The following CAP2 variants were observed in gnomAD, a reference collection of about 807,000 sequenced individuals.
CAP2 encodes the protein cyclase associated actin cytoskeleton regulatory protein 2, also known as adenylyl cyclase-associated protein 2.
In CAP2, 24 loss-of-function variants were observed where a neutral mutation model predicts 57.7. The observed-to-expected ratio is 0.42, with a 90% CI of 0.30 to 0.58. The LOEUF (loss-of-function observed/expected upper bound fraction) is 0.58. Among genes scored for constraint, CAP2 ranks in the 20% least tolerant of loss-of-function variants. The probability of loss-of-function intolerance (pLI) is 0.22; values close to 1 mark genes in which losing one functional copy is unlikely to be tolerated. For missense variants in CAP2, 501 were observed against 590.3 expected, an observed-to-expected ratio of 0.85 and a Z score of 1.57; for synonymous variants, 194 against 207.2, an observed-to-expected ratio of 0.94 and a Z score of 0.55.
intron 1 of CAP2, among the ~76,000 whole-genome samples, chr6:17,417,357 C>T (rs1759309502): frequency 6.7e-6 from 1 of 150,366 alleles, no homozygotes; most frequent in Admixed American, 6.6e-5. Flanking sequence ...CTCACTGCAG[C>T]CTCGACCTCC....
At chr6:17,509,662 G>C (rs1762093896) in intron 6 of CAP2, among the ~76,000 whole-genome samples, 3 of 151,910 alleles carry the variant, frequency 2.0e-5, no homozygotes, top group African/African-American at 7.3e-5. Flanking sequence ...GTGACAAAGT[G>C]AGACTCCATC....
chr6:17,514,619 A>T (rs1171634560), intron 7 of CAP2, among the ~76,000 whole-genome samples: 2 of 151,512 alleles, frequency 1.3e-5, no homozygotes, highest in African/African-American at 4.9e-5. Context: ...GTGTGGTGGC[A>T]CATGCCTGTA....
chr6:17,434,460 C>T (rs1428132294), intron 3 of CAP2, among the ~76,000 whole-genome samples: 1 of 152,108 alleles, frequency 6.6e-6, no homozygotes. Flanking sequence ...AATTCCTGAC[C>T]TCAAGTGATC....
chr6:17,452,347 C>T (rs991529110), intron 3 of CAP2, among the ~76,000 whole-genome samples: 2 of 152,188 alleles, frequency 1.3e-5, no homozygotes, highest in African/African-American at 4.8e-5. Context: ...TAAGTTTTCG[C>T]ACAAGCAGAC....
intron 4 of CAP2, among the ~76,000 whole-genome samples, chr6:17,479,906 C>T (rs552384179): frequency 7.9e-5 from 12 of 152,034 alleles, no homozygotes; most frequent in South Asian, 6.2e-4. Context: ...TGAGCCACCG[C>T]GCCCAGCTTA....
chr6:17,439,317 C>T (rs1760002015), intron 3 of CAP2, among the ~76,000 whole-genome samples: 1 of 150,786 alleles, frequency 6.6e-6, no homozygotes, highest in African/African-American at 2.5e-5. Flanking sequence ...AGTCCATTTC[C>T]CCCATGGATC....
intron 3 of CAP2, among the ~76,000 whole-genome samples, chr6:17,438,344 C>T (rs549250409): frequency 2.9e-4 from 24 of 81,858 alleles, no homozygotes; most frequent in Non-Finnish European, 4.7e-4. Context: ...CCAACCTGGG[C>T]GAAAGAACGA....
rs191134548 is a variant in CAP2 at position 17,556,438 on chromosome 6, C to T, written c.1430C>T (p.Ala477Val). Residue 477 changes from alanine to valine, a missense_variant, in exon 13 of 13, where the codon GCC becomes GTC. By Grantham distance (64) the Ala-to-Val change is moderately conservative (BLOSUM62 0). Transcript: ENST00000229922. ...ATCACTGAACCTGCAGAAATTATGG[C>T]CTAACTTCCTGAGAGACCGAACCCC... is the stretch of plus-strand genomic sequence containing the variant. ...KLITEPAEIM[A>V] The T allele has an allele frequency of 3.2e-5, 51 of 1,608,074 alleles. No individual in the cohort carries two copies. The Admixed American group carries it at 5.8e-4, about 18-fold the overall frequency.
chr6:17,509,399 C>G (rs982632444), intron 6 of CAP2, among the ~76,000 whole-genome samples: 3 of 151,916 alleles, frequency 2.0e-5, no homozygotes, highest in South Asian at 4.1e-4. Flanking sequence ...AAAAGCAGAC[C>G]AGGTGTGGTG....
chr6:17,394,311 G>C (rs554640151), intron 1 of CAP2, among the ~76,000 whole-genome samples: 1 of 152,176 alleles, frequency 6.6e-6, no homozygotes, highest in African/African-American at 2.4e-5. Flanking sequence ...AACTGAGACT[G>C]GGGGAACGGC....
Position 17,539,404 on chromosome 6 carries a change from C to T in CAP2, c.772C>T (p.Pro258Ser). The T allele has an allele frequency of 6.2e-7, 1 of 1,614,212 alleles. No individual in the cohort carries two copies. Among genetic ancestry groups the T allele is most frequent in the South Asian group, 1.1e-5 (1 of 91,086 alleles). The change falls in exon 8 of 13, where the codon CCT (proline) becomes TCT (serine). Residue 258 changes from proline (P) to serine (S), a missense_variant. Coordinates refer to ENST00000229922, the MANE Select transcript of CAP2 (RefSeq NM_006366.3). ...ENEGKKEESSPSRSALFAQLN... is the reference protein window; with the variant it reads ...ENEGKKEESSSSRSALFAQLN... ...TGAAGGCAAAAAAGAGGAATCTTCT[C>T]CTTCACGCTCAGCTTTATTTGCCCA... is the stretch of plus-strand genomic sequence containing the variant.
At chr6:17,519,416 T>G (rs1384238941) in intron 7 of CAP2, among the ~76,000 whole-genome samples, 1 of 152,156 alleles carries the variant, frequency 6.6e-6, no homozygotes, top group African/African-American at 2.4e-5. Flanking sequence ...CTTCTTACAT[T>G]TACCATGGTA....
chr6:17,512,694 G>A (rs1406591453), intron 6 of CAP2, among the ~76,000 whole-genome samples: 3 of 152,188 alleles, frequency 2.0e-5, no homozygotes, highest in Non-Finnish European at 4.4e-5. Flanking sequence ...AAGCGACAAT[G>A]AGATTTTTCA....
chr6:17,410,706 C>T (rs1195689855), intron 1 of CAP2, among the ~76,000 whole-genome samples: 7 of 152,020 alleles, frequency 4.6e-5, no homozygotes, highest in East Asian at 1.9e-4. Context: ...TACAGGTGAC[C>T]GCCACCACGC....
intron 3 of CAP2, among the ~76,000 whole-genome samples, chr6:17,456,757 G>A (rs933219948): frequency 2.6e-5 from 4 of 152,154 alleles, no homozygotes; most frequent in African/African-American, 9.7e-5. Context: ...ATCTGGAAAT[G>A]CCTTTAGCAC....
intron 4 of CAP2, among the ~76,000 whole-genome samples, chr6:17,495,578 A>G (rs923031694): frequency 2.0e-5 from 3 of 152,112 alleles, no homozygotes; most frequent in African/African-American, 7.2e-5. Flanking sequence ...GTCTACAAGC[A>G]CTGATAAGGC....
At chr6:17,442,448 C>T (rs774243562) in intron 3 of CAP2, among the ~76,000 whole-genome samples, 8 of 152,120 alleles carry the variant, frequency 5.3e-5, no homozygotes, top group Non-Finnish European at 1.0e-4. Flanking sequence ...GTGAGCATGC[C>T]CAGGGCTGCT....
chr6:17,476,694 C>T lies in CAP2; in HGVS notation c.300+13621C>T, dbSNP rs1183003457. On this transcript the variant is annotated intron_variant, in intron 4 of 12. Coordinates refer to ENST00000229922, the MANE Select transcript of CAP2 (RefSeq NM_006366.3). Reference sequence around the variant, plus strand: ...GGCTTAAATGGGAAAAGGAGAAAGACGAGAACAACGGGAAGTATGTGAGGA... The same window carrying T: ...GGCTTAAATGGGAAAAGGAGAAAGATGAGAACAACGGGAAGTATGTGAGGA... Among the ~76,000 whole-genome samples the T allele has an allele frequency of 2.0e-5, 3 of 151,982 alleles. No individual in the cohort carries two copies. The East Asian group carries it at 5.8e-4, about 29-fold the overall frequency.
chr6:17,528,992 G>A (rs9477471), intron 7 of CAP2, among the ~76,000 whole-genome samples: 8,651 of 152,072 alleles, frequency 0.057, 286 homozygotes, highest in Middle Eastern at 0.1. Flanking sequence ...AAGGCAGGAG[G>A]ATCACTTAAG....
Sources: gnomAD v4.1 joint callset for allele counts (sites outside exome capture counted in the v4.1 genomes callset) on GRCh38, gnomAD v4.1.1 for gene constraint, MANE v1.5 for transcripts, NCBI Gene and HGNC (gene_info 2026-07-23, HGNC 2026-07-21) for gene names.